The following MRPS6 variants were observed in gnomAD, a reference collection of about 807,000 sequenced individuals.
The protein encoded by MRPS6 is small ribosomal subunit protein bS6m.
In MRPS6, 6 loss-of-function variants were observed where a neutral mutation model predicts 13.1. The observed-to-expected ratio is 0.46, with a 90% confidence interval of 0.25 to 0.91. MRPS6 has a LOEUF of 0.91. Ranked by LOEUF, MRPS6 falls within the 40% of genes least tolerant of loss-of-function variation. The pLI is 0.18. For missense variants in MRPS6, 164 were observed against 155.6 expected (o/e 1.05, Z -0.29); for synonymous variants, 61 against 56.5 (o/e 1.08, Z -0.36).
chr21:34,124,636 A>G (rs1479795209), intron 1 of MRPS6: 1 of 150,550 alleles, frequency 6.6e-6, no homozygotes, highest in African/African-American at 2.5e-5. Flanking sequence ...CATTCTTTGT[A>G]CCTCCGGTCA....
chr21:34,139,778 A>G (rs1466470194), intron 2 of MRPS6, among the ~76,000 whole-genome samples: 2 of 152,098 alleles, frequency 1.3e-5, no homozygotes. Context: ...AGGCTTCACC[A>G]TGTTGCCCAG....
chr21:34,139,301 C>T (rs896957064), intron 2 of MRPS6, among the ~76,000 whole-genome samples: 4 of 151,768 alleles, frequency 2.6e-5, no homozygotes, highest in Non-Finnish European at 5.9e-5. Context: ...CTAACCTGCA[C>T]ATTGTGCACA....
intron 1 of MRPS6, chr21:34,102,215 A>G (rs1407603693): frequency 1.0e-6 from 1 of 999,816 alleles, no homozygotes. Flanking sequence ...GTTAAGGTTC[A>G]AAGTAATTAA....
At chr21:34,108,455 A>G (rs1239919457) in intron 1 of MRPS6, among the ~76,000 whole-genome samples, 5 of 152,186 alleles carry the variant, frequency 3.3e-5, no homozygotes, top group Non-Finnish European at 5.9e-5. Flanking sequence ...GTGCAGAAGT[A>G]CACTTTATGA....
At chr21:34,134,833 A>G (rs1218322922) in intron 2 of MRPS6, among the ~76,000 whole-genome samples, 1 of 152,206 alleles carries the variant, frequency 6.6e-6, no homozygotes, top group Non-Finnish European at 1.5e-5. Context: ...GAGCTATTCA[A>G]CACTTAATGT....
rs375841242 is a variant in MRPS6, at chr21:34,094,214, C to T, written c.45+20469C>T. On this transcript the variant is annotated intron_variant, in intron 1 of 2. Coordinates refer to ENST00000399312, the MANE Select transcript of MRPS6 (RefSeq NM_032476.4). ...ATATTTTTAGTTTTGTGTGGAATGT[C>T]GTGTTTCCCATTAGGGCAGGGGGCG... Among the ~76,000 whole-genome samples the T allele has an allele frequency of 4.6e-5, 7 of 152,218 alleles. No individual in the cohort carries two copies. The East Asian group carries it at 5.8e-4, about 13-fold the overall frequency.
Position 34,091,974 on chromosome 21 carries a change from A to G in MRPS6, c.45+18229A>G, listed in dbSNP as rs149212855. 3.3e-5 allele frequency among the ~76,000 whole-genome samples: 5 copies of G among 152,352 alleles called. No homozygotes were observed. The East Asian group carries it at 7.7e-4, about 24-fold the overall frequency. On this transcript the variant is annotated intron_variant, in intron 1 of 2. Coordinates refer to ENST00000399312, the MANE Select transcript of MRPS6 (RefSeq NM_032476.4). ...TTTGCGTGAATGATGAACTGTGACA[A>G]AAAGCATATATAAATATAAAAATAC...
rs765081516 is a variant in MRPS6 at position 34,073,664 on chromosome 21, G to C, written c.-37G>C. The C allele has an allele frequency of 2.0e-6, 3 of 1,511,110 alleles. No individual in the cohort carries two copies. Among genetic ancestry groups the C allele is most frequent in the South Asian group, 1.2e-5 (1 of 86,082 alleles). 93.6% of individuals were successfully genotyped at this position (1,511,110 alleles called of 1,614,324 possible). A position where few individuals can be genotyped will look rare whatever the true frequency, so the allele number is the denominator to read the frequency against. On this transcript the variant is annotated 5_prime_UTR_variant, in exon 1 of 3. Coordinates refer to ENST00000399312, the MANE Select transcript of MRPS6 (RefSeq NM_032476.4). ...CCCGCCCCTTCGCGTCCCGGGAACC[G>C]GCTGGCTTCCGAGCCGCACTCGCCG...
Position 34,100,031 on chromosome 21 carries a change from T to A in MRPS6, c.46-25310T>A, listed in dbSNP as rs140875599. The A allele has an allele frequency of 1.8e-4, 167 of 940,630 alleles. 1 individual carries two copies. In the African/African-American group the frequency reaches 2.8e-3, roughly 16 times the overall value. 58.3% of individuals were successfully genotyped at this position (940,630 alleles called of 1,614,324 possible). A position where few individuals can be genotyped will look rare whatever the true frequency, so the allele number is the denominator to read the frequency against. ...CAAAATGTTCATACTTTACACTGAC[T>A]AAATGGGTCCTAAATGATGACATTG... is the stretch of plus-strand genomic sequence containing the variant. On this transcript the variant is annotated intron_variant, in intron 1 of 2. Transcript: ENST00000399312.
chr21:34,091,563 C>G (rs956905272), intron 1 of MRPS6, among the ~76,000 whole-genome samples: 6 of 151,972 alleles, frequency 3.9e-5, no homozygotes, highest in Non-Finnish European at 8.8e-5. Context: ...CTTTTTTTCT[C>G]TTTCTATTTG....
intron 1 of MRPS6, among the ~76,000 whole-genome samples, chr21:34,115,577 A>G (rs892666012): frequency 2.6e-5 from 4 of 152,058 alleles, no homozygotes; most frequent in African/African-American, 9.7e-5. Context: ...ACCTGTTTAT[A>G]CCTCTCTGAT....
At chr21:34,109,582 C>T (rs1408787985) in intron 1 of MRPS6, among the ~76,000 whole-genome samples, 9 of 152,066 alleles carry the variant, frequency 5.9e-5, no homozygotes, top group East Asian at 5.8e-4. Context: ...TTTTATCTGC[C>T]GCAGAGTATA....
At chr21:34,134,204 A>T (rs530434192) in intron 2 of MRPS6, among the ~76,000 whole-genome samples, 89 of 152,350 alleles carry the variant, frequency 5.8e-4, no homozygotes, top group African/African-American at 2.0e-3. Flanking sequence ...ATTACCTGCT[A>T]TATGGAGTAG....
At chr21:34,102,022 T>C (rs1185669808) in intron 1 of MRPS6, 2 of 1,000,210 alleles carry the variant, frequency 2.0e-6, no homozygotes, top group Non-Finnish European at 2.4e-6. Flanking sequence ...GGAACCCTTT[T>C]GTACTGGAAC....
intron 1 of MRPS6, among the ~76,000 whole-genome samples, chr21:34,081,551 T>A (rs909009628): frequency 2.6e-5 from 4 of 152,192 alleles, no homozygotes; most frequent in African/African-American, 9.6e-5. Flanking sequence ...AAACAAAGAC[T>A]GGCATTGGGA....
At chr21:34,134,837 T>C (rs1980631704) in intron 2 of MRPS6, among the ~76,000 whole-genome samples, 1 of 152,208 alleles carries the variant, frequency 6.6e-6, no homozygotes, top group Admixed American at 6.5e-5. Context: ...TATTCAACAC[T>C]TAATGTAAAA....
chr21:34,136,775 T>C (rs964975307), intron 2 of MRPS6, among the ~76,000 whole-genome samples: 1 of 152,248 alleles, frequency 6.6e-6, no homozygotes, highest in Non-Finnish European at 1.5e-5. Flanking sequence ...TGAAATCTAA[T>C]TTATCAATTT....
chr21:34,108,297 C>T (rs912417052), intron 1 of MRPS6, among the ~76,000 whole-genome samples: 1 of 152,138 alleles, frequency 6.6e-6, no homozygotes, highest in Non-Finnish European at 1.5e-5. Context: ...CATATTTTGA[C>T]TGGACCTTTT....
At chr21:34,079,238 C>T (rs555374512) in intron 1 of MRPS6, among the ~76,000 whole-genome samples, 2 of 152,268 alleles carry the variant, frequency 1.3e-5, no homozygotes, top group East Asian at 3.9e-4. Context: ...ATAAAACTTT[C>T]ACATTTCAGA....
Sources: gnomAD v4.1 joint callset for allele counts (sites outside exome capture counted in the v4.1 genomes callset) on GRCh38, gnomAD v4.1.1 for gene constraint, MANE v1.5 for transcripts, NCBI Gene and HGNC (gene_info 2026-07-23, HGNC 2026-07-21) for gene names.